The following SLC2A5 variants were observed in gnomAD, a reference collection of about 807,000 sequenced individuals.
SLC2A5 encodes the protein solute carrier family 2 member 5, also known as solute carrier family 2, facilitated glucose transporter member 5.
A neutral mutation model predicts 50.3 loss-of-function variants in SLC2A5; 56 were observed. That is an observed-to-expected ratio of 1.11 (90% CI 0.90 to 1.39). The LOEUF (loss-of-function observed/expected upper bound fraction) is 1.39, where lower values mean the gene tolerates loss of function less well. SLC2A5 is among the 40% of genes most tolerant of loss of function. SLC2A5 has a pLI of 0.00. For missense variants in SLC2A5, 566 were observed against 650.1 expected, an observed-to-expected ratio of 0.87 and a Z score of 1.41; for synonymous variants, 269 against 281.9, an observed-to-expected ratio of 0.95 and a Z score of 0.46.
chr1:9,068,555 G>A (rs1214053261), intron 1 of SLC2A5, among the ~76,000 whole-genome samples: 12 of 150,682 alleles, frequency 8.0e-5, no homozygotes, highest in African/African-American at 2.9e-4. Context: ...AGGTTCAAGT[G>A]ATTCTCCTGC....
intron 2 of SLC2A5, among the ~76,000 whole-genome samples, chr1:9,084,552 C>T (rs1300711421): frequency 2.6e-5 from 4 of 152,230 alleles, no homozygotes; most frequent in Non-Finnish European, 4.4e-5. Flanking sequence ...CACAAATCAG[C>T]TCACACTATA....
chr1:9,091,895 A>T (rs1642465402), upstream of SLC2A5, among the ~76,000 whole-genome samples: 2 of 152,304 alleles, frequency 1.3e-5, no homozygotes, highest in South Asian at 4.1e-4. Context: ...AAGCAGAACT[A>T]GTTGCCCTAA....
Position 9,040,292 on chromosome 1 carries a change from C to A in SLC2A5, c.572-103G>T. 7.3e-7 allele frequency: 1 copy of A among 1,376,856 alleles called. No individual in the cohort carries two copies. The highest frequency in any genetic ancestry group is 9.7e-7 in the Non-Finnish European group (1 of 1,035,896). The allele number at this position is 1,376,856 out of a possible 1,614,324, so 85.3% of individuals were successfully genotyped here. A position where few individuals can be genotyped will look rare whatever the true frequency, so the allele number is the denominator to read the frequency against. On this transcript the variant is annotated intron_variant, in intron 5 of 11. Transcript: ENST00000377424. The surrounding 1 kb of genome is among the most constrained non-coding windows in gnomAD (Gnocchi z 4.3). ...CCCGTCATCCTGAGTGGGGTGCAGG[C>A]TCCAGGAGGGCACAGCTTTCCCAGC...
chr1:9,041,494 G>T, intron 5 of SLC2A5: 2 of 1,313,698 alleles, frequency 1.5e-6, no homozygotes, highest in Non-Finnish European at 1.9e-6. Context: ...TATGCCACGG[G>T]CCTCCATATG....
At chr1:9,042,573 CATAT>C (rs34472751) in intron 4 of SLC2A5, among the ~76,000 whole-genome samples, 2 of 135,450 alleles carry the variant, frequency 1.5e-5, no homozygotes, top group African/African-American at 2.7e-5. Flanking sequence ...TGTGTGTGTA[CATAT>C]ATATATATAT....
chr1:9,063,845 G>A (rs1393831000), intron 1 of SLC2A5, among the ~76,000 whole-genome samples: 7 of 143,204 alleles, frequency 4.9e-5, no homozygotes, highest in African/African-American at 1.1e-4. Flanking sequence ...ACAGGCGCCC[G>A]CTACCACGCC....
intron 8 of SLC2A5, among the ~76,000 whole-genome samples, chr1:9,039,288 G>A (rs1422447637): frequency 6.6e-6 from 1 of 152,242 alleles, no homozygotes; most frequent in African/African-American, 2.4e-5. Flanking sequence ...CGGGTAGCCC[G>A]GGCTCGGAGC....
At chr1:9,052,060 C>T (rs1177775046) in intron 3 of SLC2A5, among the ~76,000 whole-genome samples, 1 of 152,082 alleles carries the variant, frequency 6.6e-6, no homozygotes, top group Non-Finnish European at 1.5e-5. Context: ...CCGAGGTGGG[C>T]GGATCACGAG....
At chr1:9,060,696 A>C (rs1569888688) in intron 1 of SLC2A5, among the ~76,000 whole-genome samples, 14 of 90,832 alleles carry the variant, frequency 1.5e-4, no homozygotes, top group South Asian at 3.9e-4. Flanking sequence ...CACACAGCCC[A>C]CCCCACACAC....
chr1:9,041,466 A>G (rs1443129991), intron 5 of SLC2A5: 4 of 1,306,212 alleles, frequency 3.1e-6, no homozygotes, highest in East Asian at 5.7e-5. Flanking sequence ...AGCCTGGCAC[A>G]CTGGTGGCTG....
chr1:9,086,209 C>T (rs1057002158), intron 1 of SLC2A5, among the ~76,000 whole-genome samples: 6 of 152,174 alleles, frequency 3.9e-5, no homozygotes, highest in African/African-American at 1.4e-4. Context: ...TGAAGTGTAA[C>T]TGCCCGATGG....
intron 1 of SLC2A5, among the ~76,000 whole-genome samples, chr1:9,087,019 C>A (rs1642407636): frequency 6.6e-6 from 1 of 152,182 alleles, no homozygotes; most frequent in African/African-American, 2.4e-5. Flanking sequence ...CCACAATAAA[C>A]TTTCCTTCAC....
rs1279006577 is a variant in SLC2A5 at position 9,040,153 on chromosome 1, G to C, written c.608C>G (p.Ala203Gly). 8 of 1,567,112 alleles carry C rather than the reference G, an allele frequency of 5.1e-6. No individual in the cohort carries two copies. The Admixed American group carries it at 1.5e-4, about 30-fold the overall frequency. ...PILLGLTGVPAALQLLLLPFF... is the reference protein window; with the variant it reads ...PILLGLTGVPGALQLLLLPFF... ...GGGCAGCAGAAGGAGCTGCAGCGCC[G>C]CGGGGACCCCGGTCAGCCCCAGCAG... Residue 203 changes from alanine (A) to glycine (G), a missense_variant, in exon 6 of 12, where the codon GCG (alanine) becomes GGG (glycine). Physicochemically the swap from Ala to Gly is moderately conservative, Grantham distance 60. Transcript: ENST00000377424. The surrounding 1 kb of genome is among the most constrained non-coding windows in gnomAD (Gnocchi z 4.3).
intron 1 of SLC2A5, among the ~76,000 whole-genome samples, chr1:9,066,044 T>C (rs1642072581): frequency 6.6e-6 from 1 of 152,100 alleles, no homozygotes; most frequent in Non-Finnish European, 1.5e-5. Flanking sequence ...TAGTAGGTGT[T>C]ACAAATGGGT....
chr1:9,086,793 T>C (rs922308319), intron 1 of SLC2A5, among the ~76,000 whole-genome samples: 1 of 152,198 alleles, frequency 6.6e-6, no homozygotes, highest in Non-Finnish European at 1.5e-5. Context: ...AAAACGGTAC[T>C]GGTGCTTGAC....
At chr1:9,041,736 A>G in intron 5 of SLC2A5, 49 bp downstream of exon 5, 1 of 1,613,810 alleles carries the variant, frequency 6.2e-7, no homozygotes. Context: ...GAGGGGGCCA[A>G]GGGTAGTGGT....
At position 9,048,575 on chromosome 1, in the gene SLC2A5, A is replaced by C. The variant is rs138574924; in HGVS notation, c.294-841T>G. On this transcript the variant is annotated intron_variant, in intron 3 of 11. Coordinates refer to ENST00000377424, the MANE Select transcript of SLC2A5 (RefSeq NM_003039.3). ...TGGGGGAAAACATCGGATTATCTCAATAGAAGCAGCAAAAGAAGTCAATAA... is the reference window on the plus strand; with the variant it reads ...TGGGGGAAAACATCGGATTATCTCACTAGAAGCAGCAAAAGAAGTCAATAA... 3.8e-3 allele frequency among the ~76,000 whole-genome samples: 585 copies of C among 152,286 alleles called. 15 individuals are homozygous for C. Among genetic ancestry groups the C allele is most frequent in the Admixed American group, 0.035 (536 of 15,286 alleles).
intron 9 of SLC2A5, 39 bp downstream of exon 9, chr1:9,038,789 G>T: frequency 6.5e-7 from 1 of 1,530,852 alleles, no homozygotes. Flanking sequence ...GGTCTTCCTG[G>T]TGCAGCTCCG....
At chr1:9,075,314 CAGA>C (rs1437968066) in intron 2 of SLC2A5, among the ~76,000 whole-genome samples, 2 of 152,134 alleles carry the variant, frequency 1.3e-5, no homozygotes, top group African/African-American at 2.4e-5. Context: ...TCCCGGTTGA[CAGA>C]AGAAGGCAGG....
Sources: allele counts gnomAD v4.1 joint callset (sites outside exome capture counted in the v4.1 genomes callset), GRCh38; gene constraint gnomAD v4.1.1; non-coding constraint Gnocchi (gnomAD v3.1); transcripts MANE v1.5; gene names NCBI Gene and HGNC (gene_info 2026-07-23, HGNC 2026-07-21).